The following FOXP2 variants were observed in gnomAD, a reference collection of about 807,000 sequenced individuals.
FOXP2 encodes forkhead box P2.
FOXP2 carries 12 observed loss-of-function variants against 115.8 expected under a neutral mutation model. The observed-to-expected ratio is 0.10, with a 90% CI of 0.07 to 0.17. FOXP2 has a LOEUF of 0.17. Ranked by LOEUF, FOXP2 falls within the 10% of genes least tolerant of loss-of-function variation. The probability of loss-of-function intolerance (pLI) is 1.00; values close to 1 mark genes in which losing one functional copy is unlikely to be tolerated. For synonymous variants in FOXP2, 328 were observed against 297.7 expected (o/e 1.10, Z -1.05); for missense variants, 629 against 843.5 (o/e 0.75, Z 3.15).
chr7:114,316,494 C>T (rs1797279973), intron 2 of FOXP2, among the ~76,000 whole-genome samples: 1 of 152,044 alleles, frequency 6.6e-6, no homozygotes. Context: ...GAATAATATG[C>T]TAAGTGATGA....
intron 6 of FOXP2, among the ~76,000 whole-genome samples, chr7:114,633,323 C>G (rs766518236): frequency 1.3e-5 from 2 of 152,058 alleles, no homozygotes; most frequent in Non-Finnish European, 2.9e-5. Flanking sequence ...ATAGAAATTA[C>G]CTGAATTCAA....
chr7:114,110,601 T>G (rs1791243912), intron 1 of FOXP2, among the ~76,000 whole-genome samples: 1 of 152,174 alleles, frequency 6.6e-6, no homozygotes, highest in African/African-American at 2.4e-5. Context: ...GTACTTGTGG[T>G]GTGGAAACCA....
At chr7:114,164,955 T>A (rs1315713633) in intron 1 of FOXP2, among the ~76,000 whole-genome samples, 1 of 136,642 alleles carries the variant, frequency 7.3e-6, no homozygotes, top group Non-Finnish European at 1.6e-5. Flanking sequence ...GGAAAACCTC[T>A]ACCCCCCAAA....
intron 1 of FOXP2, among the ~76,000 whole-genome samples, chr7:114,174,380 T>C (rs531299943): frequency 1.3e-5 from 2 of 152,034 alleles, no homozygotes; most frequent in Non-Finnish European, 2.9e-5. Context: ...TAAAAGTTAT[T>C]ATGTTTTTGT....
rs1270629172 is a variant in FOXP2, at chr7:114,693,424, C to T, written c.*3498C>T. On this transcript the variant is annotated 3_prime_UTR_variant, in exon 17 of 17. Transcript: ENST00000350908. ...CCAATATGATATTTTGTAAAGTTTT[C>T]AAGTTGGACATTTACATTTTTGAGA... 1 of 453,516 alleles carries T rather than the reference C, an allele frequency of 2.2e-6. No individual in the cohort carries two copies. Among genetic ancestry groups the T allele is most frequent in the Admixed American group, 2.4e-5 (1 of 42,496 alleles). The allele number at this position is 453,516 out of a possible 1,614,324, so 28.1% of individuals were successfully genotyped here.
chr7:114,477,544 A>G (rs1584784286), intron 2 of FOXP2, among the ~76,000 whole-genome samples: 1 of 151,872 alleles, frequency 6.6e-6, no homozygotes, highest in East Asian at 1.9e-4. Context: ...ATTGGATACT[A>G]TGCTCTCTAC....
chr7:114,530,468 T>A (rs1385049738), intron 2 of FOXP2, among the ~76,000 whole-genome samples: 1 of 151,890 alleles, frequency 6.6e-6, no homozygotes, highest in Non-Finnish European at 1.5e-5. Flanking sequence ...GCATTCCTAT[T>A]TTTATGGGGA....
chr7:114,241,936 C>A (rs1187179907), intron 1 of FOXP2, among the ~76,000 whole-genome samples: 1 of 150,742 alleles, frequency 6.6e-6, no homozygotes, highest in Non-Finnish European at 1.5e-5. Flanking sequence ...TAGTGGCCTC[C>A]CATCATGTTT....
At chr7:114,560,475 G>A (rs1171742603) in intron 3 of FOXP2, among the ~76,000 whole-genome samples, 1 of 151,980 alleles carries the variant, frequency 6.6e-6, no homozygotes, top group Admixed American at 6.6e-5. Context: ...AATTAGCCAG[G>A]CATGGTGGCA....
intron 2 of FOXP2, among the ~76,000 whole-genome samples, chr7:114,461,257 GT>G (rs1422680122): frequency 2.0e-5 from 3 of 152,038 alleles, no homozygotes; most frequent in Non-Finnish European, 4.4e-5. Flanking sequence ...TGGCTTCTCT[GT>G]TTCATTGTAC....
At chr7:114,682,758 T>C (rs1808161591) in intron 16 of FOXP2, among the ~76,000 whole-genome samples, 1 of 152,134 alleles carries the variant, frequency 6.6e-6, no homozygotes, top group Non-Finnish European at 1.5e-5. Flanking sequence ...GTTCCATTTC[T>C]TTTGAGTTGG....
intron 1 of FOXP2, among the ~76,000 whole-genome samples, chr7:114,280,424 G>C (rs1276297783): frequency 6.6e-6 from 1 of 151,986 alleles, no homozygotes; most frequent in Non-Finnish European, 1.5e-5. Flanking sequence ...ATACCAAACA[G>C]TATTTATGTT....
intron 1 of FOXP2, among the ~76,000 whole-genome samples, chr7:114,137,555 G>T (rs894586891): frequency 1.3e-5 from 2 of 151,976 alleles, no homozygotes; most frequent in African/African-American, 4.8e-5. Context: ...AGCTTTTTGA[G>T]TTCAATTTAA....
chr7:114,096,686 A>G (rs1189605772), intron 1 of FOXP2, among the ~76,000 whole-genome samples: 2 of 152,214 alleles, frequency 1.3e-5, no homozygotes, highest in African/African-American at 4.8e-5. Flanking sequence ...ATTATATTAA[A>G]GGAACATCAT....
rs1176703413 is a variant in FOXP2, at chr7:114,491,224, T to A, written c.169-43393T>A. Among the ~76,000 whole-genome samples, 10 of 152,334 alleles carry A rather than the reference T, an allele frequency of 6.6e-5. No homozygotes were observed. The South Asian group carries it at 1.7e-3, about 25-fold the overall frequency. On this transcript the variant is annotated intron_variant, in intron 2 of 16. Coordinates refer to ENST00000350908, the MANE Select transcript of FOXP2 (RefSeq NM_014491.4). Reference sequence around the variant, plus strand: ...TAACTGGTGTGAGATGGTATCTCATTGTGGTTTTGATTTGCATTTCTCTGA... The same window carrying A: ...TAACTGGTGTGAGATGGTATCTCATAGTGGTTTTGATTTGCATTTCTCTGA...
At chr7:114,516,632 G>A (rs1010909239) in intron 2 of FOXP2, among the ~76,000 whole-genome samples, 11 of 151,402 alleles carry the variant, frequency 7.3e-5, no homozygotes, top group African/African-American at 1.2e-4. Context: ...CACCAAGAGC[G>A]TACAAAGGTT....
At chr7:114,517,811 T>C (rs181095502) in intron 2 of FOXP2, among the ~76,000 whole-genome samples, 2 of 152,170 alleles carry the variant, frequency 1.3e-5, no homozygotes, top group Non-Finnish European at 2.9e-5. Flanking sequence ...GCTATTGGGG[T>C]CTTTTGTGAT....
In FOXP2 at chr7:114,294,888, A is replaced by T. The variant is rs143637907; in HGVS notation, c.-11+6779A>T. On this transcript the variant is annotated intron_variant, in intron 2 of 17. Transcript: ENST00000634411. ...AATACATACATACATACATACATAC[A>T]TACATACATGCATGCATGCATATAT... Among the ~76,000 whole-genome samples the T allele has an allele frequency of 2.6e-3, 399 of 152,124 alleles. 3 individuals are homozygous for T. The highest frequency in any genetic ancestry group is 9.3e-3 in the African/African-American group (384 of 41,494).
chr7:114,237,117 AGTTT>A (rs1210409428), intron 1 of FOXP2, among the ~76,000 whole-genome samples: 1 of 152,196 alleles, frequency 6.6e-6, no homozygotes, highest in Non-Finnish European at 1.5e-5. Flanking sequence ...TCTACAAGAA[AGTTT>A]GTTTAATAGA....
Sources: gnomAD v4.1 joint callset for allele counts (sites outside exome capture counted in the v4.1 genomes callset) on GRCh38, gnomAD v4.1.1 for gene constraint, MANE v1.5 for transcripts, NCBI Gene and HGNC (gene_info 2026-07-23, HGNC 2026-07-21) for gene names.